Variants in PCDHGA2 observed in about 807,000 individuals in gnomAD.
PCDHGA2 encodes protocadherin gamma subfamily A, 2.
PCDHGA2 carries 40 observed loss-of-function variants against 59.2 expected under a neutral mutation model. The ratio of observed to expected loss-of-function variants is 0.68; its 90% confidence interval spans 0.52 to 0.88. The LOEUF (loss-of-function observed/expected upper bound fraction) is 0.88, where lower values mean the gene tolerates loss of function less well. PCDHGA2 is among the 40% of genes least tolerant of loss of function. The pLI is 0.00. For synonymous variants in PCDHGA2, 560 were observed against 526.0 expected (o/e 1.06, Z -0.89); for missense variants, 1,226 against 1,204.0 (o/e 1.02, Z -0.27).
intron 1 of PCDHGA2, among the ~76,000 whole-genome samples, chr5:141,451,284 G>C (rs950768919): frequency 2.6e-5 from 4 of 152,186 alleles, no homozygotes; most frequent in African/African-American, 9.7e-5. Flanking sequence ...GAGTGCCTCT[G>C]CCTCAAAGTC....
chr5:141,398,861 A>G, intron 1 of PCDHGA2: 1 of 1,613,990 alleles, frequency 6.2e-7, no homozygotes, highest in South Asian at 1.1e-5. Flanking sequence ...TTCAACCGAG[A>G]CGTGTACAGA....
chr5:141,375,199 C>G lies in PCDHGA2; in HGVS notation c.2424+33804C>G, dbSNP rs188091361. ...CAGTAATCGCCCTTTTTCAAGTGTT[C>G]GATCGAGACTCTGGCCTGAATGGCC... On this transcript the variant is annotated intron_variant, in intron 1 of 3. Coordinates refer to ENST00000394576, the MANE Select transcript of PCDHGA2 (RefSeq NM_018915.4). The G allele has an allele frequency of 5.2e-5, 84 of 1,613,924 alleles. No individual in the cohort carries two copies. In the East Asian group the frequency reaches 1.8e-3, roughly 35 times the overall value.
At chr5:141,394,327 T>C (rs747533347) in intron 1 of PCDHGA2, 1 of 1,613,944 alleles carries the variant, frequency 6.2e-7, no homozygotes. Context: ...TCCTCGTATA[T>C]CTCCATCAAC....
chr5:141,460,416 A>C (rs966481039), intron 1 of PCDHGA2, among the ~76,000 whole-genome samples: 1 of 152,138 alleles, frequency 6.6e-6, no homozygotes, highest in African/African-American at 2.4e-5. Flanking sequence ...GTTGATGTTT[A>C]TGTATGGTGT....
At chr5:141,408,588 A>G in intron 1 of PCDHGA2, 1 of 1,614,042 alleles carries the variant, frequency 6.2e-7, no homozygotes, top group Non-Finnish European at 8.5e-7. Context: ...GTTAATGACC[A>G]CGCCCCTCAA....
intron 1 of PCDHGA2, chr5:141,374,740 C>A (rs1337639511): frequency 6.2e-7 from 1 of 1,611,592 alleles, no homozygotes; most frequent in Admixed American, 1.7e-5. Context: ...ATGGCGGCGA[C>A]CCTGTCCGCT....
At chr5:141,356,176 G>C (rs1169279400) in intron 1 of PCDHGA2, 1 of 1,612,348 alleles carries the variant, frequency 6.2e-7, no homozygotes, top group Admixed American at 1.7e-5. Context: ...TGATGGGCCT[G>C]GTCTCCGAGC....
chr5:141,437,628 T>C (rs2097897572), intron 1 of PCDHGA2, among the ~76,000 whole-genome samples: 1 of 152,212 alleles, frequency 6.6e-6, no homozygotes, highest in African/African-American at 2.4e-5. Context: ...CCATATAAGA[T>C]GTCAGGTTCA....
At position 141,477,539 on chromosome 5, in the gene PCDHGA2, C is replaced by G; in HGVS notation, c.2425-17268C>G. 2 of 1,614,172 alleles carry G rather than the reference C, an allele frequency of 1.2e-6. No individual in the cohort carries two copies. The highest frequency in any genetic ancestry group is 1.7e-6 in the Non-Finnish European group (2 of 1,180,030). On this transcript the variant is annotated intron_variant, in intron 1 of 3. Transcript: ENST00000394576. The surrounding 1 kb of genome is among the most constrained non-coding windows in gnomAD (Gnocchi z 4.9). ...TGAAGAAAACAACCTCCCCGGGGCT[C>G]CAATACTAAACCTAAGTGTCTGGGA...
chr5:141,407,338 A>G (rs1016766073), intron 1 of PCDHGA2, among the ~76,000 whole-genome samples: 33 of 152,208 alleles, frequency 2.2e-4, no homozygotes, highest in Non-Finnish European at 1.8e-4. Context: ...ATTGAAATGT[A>G]TGTTAATTTG....
chr5:141,453,669 G>T (rs1390396079), intron 1 of PCDHGA2, among the ~76,000 whole-genome samples: 1 of 152,034 alleles, frequency 6.6e-6, no homozygotes, highest in Non-Finnish European at 1.5e-5. Context: ...TTACACAAAA[G>T]GTAACACACT....
At position 141,345,576 on chromosome 5, in the gene PCDHGA2, T is replaced by A. The variant is rs371348135; in HGVS notation, c.2424+4181T>A. On this transcript the variant is annotated intron_variant, in intron 1 of 3. Transcript: ENST00000394576. ...TATCAACTCCAACACTGGCGTCCTATACGCGCTGAGATCCTTCGACTACGA... is the reference window on the plus strand; with the variant it reads ...TATCAACTCCAACACTGGCGTCCTAAACGCGCTGAGATCCTTCGACTACGA... 208 of 1,614,068 alleles carry A rather than the reference T, an allele frequency of 1.3e-4. No homozygotes were observed. The highest frequency in any genetic ancestry group is 1.6e-4 in the Non-Finnish European group (192 of 1,180,044).
At chr5:141,390,424 T>C (rs1175804708) in intron 1 of PCDHGA2, 23 of 1,041,938 alleles carry the variant, frequency 2.2e-5, no homozygotes, top group Non-Finnish European at 3.0e-5. Flanking sequence ...GTTAAAAAGC[T>C]GTCATATCAT....
intron 1 of PCDHGA2, chr5:141,390,321 C>G: frequency 6.2e-7 from 1 of 1,607,082 alleles, no homozygotes; most frequent in Non-Finnish European, 8.5e-7. Flanking sequence ...TCATTGCCTA[C>G]CCATTTCTCC....
At chr5:141,346,660 A>C (rs1014297153) in intron 1 of PCDHGA2, 1 of 742,914 alleles carries the variant, frequency 1.3e-6, no homozygotes, top group African/African-American at 1.8e-5. Context: ...TAGGGAAAAA[A>C]TAATACATCG....
intron 1 of PCDHGA2, chr5:141,418,387 G>C (rs1172239604): frequency 1.9e-6 from 3 of 1,613,884 alleles, no homozygotes; most frequent in Non-Finnish European, 2.5e-6. Flanking sequence ...GTCCTAACGA[G>C]TATTTCTCAT....
At chr5:141,424,901 C>G (rs2096846997) in intron 1 of PCDHGA2, among the ~76,000 whole-genome samples, 1 of 152,134 alleles carries the variant, frequency 6.6e-6, no homozygotes, top group African/African-American at 2.4e-5. Context: ...TTTTTGATCA[C>G]AGGAATCATT....
At chr5:141,394,060 C>A (rs1437765710) in intron 1 of PCDHGA2, 9 of 1,613,662 alleles carry the variant, frequency 5.6e-6, no homozygotes, top group African/African-American at 4.0e-5. Context: ...GAAAATGTCT[C>A]TATCTACAAT....
rs748951693 is a variant in PCDHGA2, at chr5:141,365,805, C to T, written c.2424+24410C>T. The T allele has an allele frequency of 3.1e-6, 5 of 1,613,942 alleles. No homozygotes were observed. The South Asian group carries it at 5.5e-5, about 18-fold the overall frequency. On this transcript the variant is annotated intron_variant, in intron 1 of 3. Coordinates refer to ENST00000394576, the MANE Select transcript of PCDHGA2 (RefSeq NM_018915.4). ...AACGCTCGAGTCACCTACTCCCTGG[C>T]TGAAGACACATTTCAGGGGGCGCCC...
Sources: gnomAD v4.1 joint callset for allele counts (sites outside exome capture counted in the v4.1 genomes callset) on GRCh38, gnomAD v4.1.1 for gene constraint, Gnocchi (gnomAD v3.1) non-coding constraint, MANE v1.5 for transcripts, NCBI Gene and HGNC (gene_info 2026-07-23, HGNC 2026-07-21) for gene names.